Variants in DNAJC27 observed in about 807,000 individuals in gnomAD.
DNAJC27 encodes the protein dnaJ homolog subfamily C member 27.
Under a neutral mutation model 31.4 loss-of-function variants are expected in DNAJC27, and 25 were observed. That is an observed-to-expected ratio of 0.80 (90% CI 0.58 to 1.11). The LOEUF is 1.11. Ranked by LOEUF, DNAJC27 falls within the 50% of genes most tolerant of loss-of-function variation. The probability of loss-of-function intolerance (pLI) is 0.00; values close to 1 mark genes in which losing one functional copy is unlikely to be tolerated. For missense variants in DNAJC27, 356 were observed against 347.3 expected, an observed-to-expected ratio of 1.02 and a Z score of -0.20; for synonymous variants, 106 against 112.7, an observed-to-expected ratio of 0.94 and a Z score of 0.37.
At chr2:24,967,830 G>C (rs1666228093) in intron 1 of DNAJC27, among the ~76,000 whole-genome samples, 1 of 151,940 alleles carries the variant, frequency 6.6e-6, no homozygotes, top group Non-Finnish European at 1.5e-5. Context: ...TCAATCCTGT[G>C]CTCTTTTCTT....
rs1351343651 is a variant in DNAJC27, at chr2:24,945,446, A to G, written c.*2170T>C. ...GGCTGAATGAGGTTCCCAATCTAGT[A>G]TTTAATAACAGTGATGAAAACTGGC... On this transcript the variant is annotated 3_prime_UTR_variant, in exon 7 of 7. Coordinates refer to ENST00000264711, the MANE Select transcript of DNAJC27 (RefSeq NM_016544.3). 1 of 152,174 alleles carries G rather than the reference A, an allele frequency of 6.6e-6. No individual in the cohort carries two copies. The highest frequency in any genetic ancestry group is 1.5e-5 in the Non-Finnish European group (1 of 68,024). 9.4% of individuals were successfully genotyped at this position (152,174 alleles called of 1,614,324 possible). A position where few individuals can be genotyped will look rare whatever the true frequency, so the allele number is the denominator to read the frequency against.
chr2:24,953,644 A>G, intron 5 of DNAJC27: 1 of 416,350 alleles, frequency 2.4e-6, no homozygotes, highest in Non-Finnish European at 3.2e-6. Flanking sequence ...ATCTAAAAAG[A>G]TAAAAGCCAC....
chr2:24,957,205 T>A, intron 4 of DNAJC27, 40 bp from the exon 5 acceptor site: 1 of 1,552,464 alleles, frequency 6.4e-7, no homozygotes, highest in East Asian at 2.3e-5. Flanking sequence ...AAGATTACAA[T>A]CTTGTCCTAC....
chr2:24,955,130 A>G (rs987383972), intron 5 of DNAJC27, among the ~76,000 whole-genome samples: 2 of 152,248 alleles, frequency 1.3e-5, no homozygotes, highest in African/African-American at 4.8e-5. Context: ...TGTTGGACTT[A>G]GCAGATGAAG....
At chr2:24,958,637 G>A (rs1242946229) in intron 3 of DNAJC27, 1 of 315,172 alleles carries the variant, frequency 3.2e-6, no homozygotes, top group Non-Finnish European at 6.6e-6. Context: ...ACTTCACAGG[G>A]TTATTATGAT....
intron 6 of DNAJC27, among the ~76,000 whole-genome samples, chr2:24,948,874 A>C (rs1324651819): frequency 6.6e-6 from 1 of 152,162 alleles, no homozygotes; most frequent in African/African-American, 2.4e-5. Flanking sequence ...GTGATCCTAT[A>C]AGCTATATGG....
intron 1 of DNAJC27, chr2:24,969,481 A>C: frequency 5.6e-6 from 1 of 177,336 alleles, no homozygotes; most frequent in Middle Eastern, 5.0e-4. Context: ...ACAGTGAAAA[A>C]AAATTTTTTT....
At position 24,946,551 on chromosome 2, in the gene DNAJC27, G is replaced by A. The variant is rs1288791174; in HGVS notation, c.*1065C>T. ...GCCTTTCTCACCTGCCTGTGGCAAAGGCTGGCAGTAAGACAAGGGCTAAGC... is the reference window on the plus strand; with the variant it reads ...GCCTTTCTCACCTGCCTGTGGCAAAAGCTGGCAGTAAGACAAGGGCTAAGC... On this transcript the variant is annotated 3_prime_UTR_variant, in exon 7 of 7. Transcript: ENST00000264711. 1 of 152,286 alleles carries A rather than the reference G, an allele frequency of 6.6e-6. No homozygotes were observed. The highest frequency in any genetic ancestry group is 2.4e-5 in the African/African-American group (1 of 41,462). 9.4% of individuals were successfully genotyped at this position (152,286 alleles called of 1,614,324 possible). A position where few individuals can be genotyped will look rare whatever the true frequency, so the allele number is the denominator to read the frequency against.
At chr2:24,961,101 T>C (rs1280041360) in intron 3 of DNAJC27, among the ~76,000 whole-genome samples, 1 of 152,218 alleles carries the variant, frequency 6.6e-6, no homozygotes. Context: ...TGTTACGGGC[T>C]GACAGAGCTG....
At chr2:24,956,436 T>C (rs1027955521) in intron 5 of DNAJC27, among the ~76,000 whole-genome samples, 3 of 152,208 alleles carry the variant, frequency 2.0e-5, no homozygotes, top group African/African-American at 7.2e-5. Context: ...CGCCTCCCTC[T>C]ATTTCCTGCT....
intron 6 of DNAJC27, among the ~76,000 whole-genome samples, chr2:24,950,546 C>T (rs765815275): frequency 2.6e-5 from 4 of 152,080 alleles, no homozygotes; most frequent in Non-Finnish European, 5.9e-5. Context: ...AAATAATTAA[C>T]ATAAATACAC....
chr2:24,950,223 C>G (rs1665735403), intron 6 of DNAJC27, among the ~76,000 whole-genome samples: 1 of 152,166 alleles, frequency 6.6e-6, no homozygotes, highest in Admixed American at 6.5e-5. Context: ...TTCCCCTTCC[C>G]TTCCCCGCTT....
In DNAJC27 at chr2:24,957,060, T is replaced by C. The variant is rs770365017; in HGVS notation, c.511A>G (p.Ile171Val). The C allele has an allele frequency of 6.2e-7, 1 of 1,608,722 alleles. No homozygotes were observed. Among genetic ancestry groups the C allele is most frequent in the Admixed American group, 1.7e-5 (1 of 58,538 alleles). The change falls in exon 5 of 7, where the codon ATT becomes GTT. Residue 171 changes from isoleucine to valine, a missense_variant. By Grantham distance (29) the Ile-to-Val change is conservative (BLOSUM62 3). Transcript: ENST00000264711. ...FETSAQTGEG[I>V]NEMFQTFYIS... ...TAGCTTACCTGGAACATCTCATTAA[T>C]GCCTTCTCCAGTTTGTGCTGAAGTT...
At chr2:24,966,551 C>T (rs1296720131) in intron 2 of DNAJC27, among the ~76,000 whole-genome samples, 5 of 152,084 alleles carry the variant, frequency 3.3e-5, no homozygotes, top group Non-Finnish European at 5.9e-5. Context: ...CTCTGCCTCC[C>T]GGGTTCAAGT....
chr2:24,947,742 T>A lies in DNAJC27; in HGVS notation c.696A>T (p.Glu232Asp). The change falls in exon 7 of 7, where the codon GAA becomes GAT. Residue 232 changes from glutamate (E) to aspartate (D), a missense_variant. Glu to Asp is a conservative substitution (Grantham distance 45). Coordinates refer to ENST00000264711, the MANE Select transcript of DNAJC27 (RefSeq NM_016544.3). ...LGVKPGASRD[E>D]VNKAYRKLAV... ...CAAGTTTCCGATACGCTTTATTGAC[T>A]TCATCCCTGGGAAAAGAAGCCAAGA... 6.2e-7 allele frequency: 1 copy of A among 1,611,514 alleles called. No homozygotes were observed.
chr2:24,957,507 A>C (rs1371909701), intron 4 of DNAJC27, among the ~76,000 whole-genome samples: 2 of 151,764 alleles, frequency 1.3e-5, no homozygotes, highest in Non-Finnish European at 2.9e-5. Flanking sequence ...AGTCCACATC[A>C]CCTAATTAAT....
In DNAJC27 at chr2:24,971,870, C is replaced by A. The variant is rs773733477; in HGVS notation, c.35G>T (p.Gly12Val). The A allele has an allele frequency of 6.2e-7, 1 of 1,609,446 alleles. No individual in the cohort carries two copies. The highest frequency in any genetic ancestry group is 8.5e-7 in the Non-Finnish European group (1 of 1,178,336). ...GATGACTTTGATGCGGAGAGACCTG[C>A]CGGGCTCCTTCCGCTTCGGCATGTT... ...EANMPKRKEPGRSLRIKVISM... is the reference protein window; with the variant it reads ...EANMPKRKEPVRSLRIKVISM... Residue 12 changes from glycine to valine, a missense_variant, in exon 1 of 7, where the codon GGC becomes GTC. Physicochemically the swap from Gly to Val is moderately radical, Grantham distance 109 (BLOSUM62 -3). Coordinates refer to ENST00000264711, the MANE Select transcript of DNAJC27 (RefSeq NM_016544.3).
At chr2:24,968,074 G>A (rs986008354) in intron 1 of DNAJC27, among the ~76,000 whole-genome samples, 4 of 151,416 alleles carry the variant, frequency 2.6e-5, no homozygotes, top group African/African-American at 9.7e-5. Context: ...AAAATTTCCT[G>A]TTAAATCAAT....
rs1401905072 is a variant in DNAJC27 at position 24,963,401 on chromosome 2, T to C, written c.240+4A>G. 6.2e-7 allele frequency: 1 copy of C among 1,612,788 alleles called. No homozygotes were observed. The highest frequency in any genetic ancestry group is 1.7e-5 in the Admixed American group (1 of 59,960). The stretch of plus-strand genomic sequence containing the variant: ...TATAGGTTTTGTCAAAAAGGCTTTC[T>C]TACCTCATAGAAGAAGGGATGTCCA... On this transcript the variant is annotated splice_donor_region_variant and intron_variant, in intron 3 of 6. Transcript: ENST00000264711.
Sources: allele counts gnomAD v4.1 joint callset (sites outside exome capture counted in the v4.1 genomes callset), GRCh38; gene constraint gnomAD v4.1.1; transcripts MANE v1.5; gene names NCBI Gene and HGNC (gene_info 2026-07-23, HGNC 2026-07-21).